Variants in SPIN1 observed in about 807,000 individuals in gnomAD.
SPIN1 encodes the protein spindlin 1, also known as spindlin-1.
A neutral mutation model predicts 26.0 loss-of-function variants in SPIN1; 3 were observed. The observed-to-expected ratio is 0.12, with a 90% CI of 0.05 to 0.30. SPIN1 has a LOEUF of 0.30. Ranked by LOEUF, SPIN1 falls within the 10% of genes least tolerant of loss-of-function variation. The pLI is 1.00. For synonymous variants in SPIN1, 101 were observed against 116.5 expected, an observed-to-expected ratio of 0.87 and a Z score of 0.86; for missense variants, 126 against 333.4, an observed-to-expected ratio of 0.38 and a Z score of 4.84.
rs532540873 is a variant in SPIN1, at chr9:88,408,745, C to T, written c.-158-17637C>T. ...CTGGAGTGCAATGGCGCGATCTCGGCTCACTGCAACCTCTGCCTCCCGGGT... is the reference window on the plus strand; with the variant it reads ...CTGGAGTGCAATGGCGCGATCTCGGTTCACTGCAACCTCTGCCTCCCGGGT... On this transcript the variant is annotated intron_variant, in intron 1 of 5. Coordinates refer to ENST00000375859, the MANE Select transcript of SPIN1 (RefSeq NM_006717.3). Among the ~76,000 whole-genome samples, 189 of 147,868 alleles carry T rather than the reference C, an allele frequency of 1.3e-3. 1 individual carries two copies. Among genetic ancestry groups the T allele is most frequent in the African/African-American group, 4.5e-3 (178 of 39,736 alleles).
chr9:88,441,431 ATG>A lies in SPIN1; in HGVS notation c.53-7502_53-7501del, dbSNP rs927476863. On this transcript the variant is annotated intron_variant, in intron 2 of 5. Coordinates refer to ENST00000375859, the MANE Select transcript of SPIN1 (RefSeq NM_006717.3). ...TGTGTGTGTGCGCGCGCGCGCGCCC[ATG>A]TGTGTGTACATACATTGTTGCTCAA... Among the ~76,000 whole-genome samples, 7 of 93,310 alleles carry A rather than the reference ATG, an allele frequency of 7.5e-5. 1 individual carries two copies. In the African/African-American group the frequency reaches 9.0e-4, roughly 12 times the overall value. 61.2% of individuals were successfully genotyped at this position (93,310 alleles called of 152,430 possible).
At chr9:88,403,944 A>C (rs1314767947) in intron 1 of SPIN1, among the ~76,000 whole-genome samples, 1 of 152,192 alleles carries the variant, frequency 6.6e-6, no homozygotes, top group Non-Finnish European at 1.5e-5. Context: ...TTAGGTGAGC[A>C]TTATAGAGCA....
intron 1 of SPIN1, among the ~76,000 whole-genome samples, chr9:88,412,066 C>G (rs1827461162): frequency 6.6e-6 from 1 of 151,502 alleles, no homozygotes; most frequent in Admixed American, 6.6e-5. Context: ...GTAGTCCCAG[C>G]TACTCGGGAG....
chr9:88,447,568 A>G (rs2118125771), intron 2 of SPIN1, among the ~76,000 whole-genome samples: 1 of 152,284 alleles, frequency 6.6e-6, no homozygotes, highest in East Asian at 1.9e-4. Context: ...TGATTGCTCC[A>G]AGTGTTAAGA....
intron 1 of SPIN1, among the ~76,000 whole-genome samples, chr9:88,414,475 C>G (rs547416206): frequency 2.0e-5 from 3 of 152,342 alleles, no homozygotes; most frequent in African/African-American, 7.2e-5. Flanking sequence ...CATCCAGTCT[C>G]TCTGTTATAC....
rs1554692408 is a variant in SPIN1 at position 88,410,426 on chromosome 9, G to C, written c.-158-15956G>C. ...AACATGTCTTCTTTGTAGCATCTAG[G>C]CCCTGCCACCACTGTGCTTGGCTGA... On this transcript the variant is annotated intron_variant, in intron 1 of 5. Transcript: ENST00000375859. The C allele has an allele frequency of 1.7e-4, 106 of 625,920 alleles. 1 individual carries two copies. The highest frequency in any genetic ancestry group is 1.6e-3 in the South Asian group (103 of 65,234). 38.8% of individuals were successfully genotyped at this position (625,920 alleles called of 1,614,324 possible).
At position 88,464,783 on chromosome 9, in the gene SPIN1, G is replaced by A. The variant is rs547663725; in HGVS notation, c.355+2034G>A. On this transcript the variant is annotated intron_variant, in intron 4 of 5. Transcript: ENST00000375859. ...AAAAAAACATAGCATAAAATTTACT[G>A]TCCTAACCATTTTTAAGTGTACAGT... Among the ~76,000 whole-genome samples the A allele has an allele frequency of 1.5e-4, 23 of 152,080 alleles. No individual in the cohort carries two copies. In the South Asian group the frequency reaches 4.6e-3, roughly 30 times the overall value.
At chr9:88,407,267 G>C (rs933958615) in intron 1 of SPIN1, among the ~76,000 whole-genome samples, 1 of 151,936 alleles carries the variant, frequency 6.6e-6, no homozygotes, top group Non-Finnish European at 1.5e-5. Context: ...CTCCCGAATA[G>C]CTGGGACTAC....
rs549642129 is a variant in SPIN1, at chr9:88,399,249, G to T, written c.-159+10711G>T. 8.5e-5 allele frequency among the ~76,000 whole-genome samples: 13 copies of T among 152,102 alleles called. No homozygotes were observed. The East Asian group carries it at 2.5e-3, about 30-fold the overall frequency. Reference sequence around the variant, plus strand: ...GGGTTTCACCATGTTGGCCAGGCTGGTCTTGAACTCCTGACCTCGTGATCC... The same window carrying T: ...GGGTTTCACCATGTTGGCCAGGCTGTTCTTGAACTCCTGACCTCGTGATCC... On this transcript the variant is annotated intron_variant, in intron 1 of 5. Transcript: ENST00000375859.
chr9:88,445,512 G>A (rs1382405020), intron 2 of SPIN1, among the ~76,000 whole-genome samples: 3 of 130,446 alleles, frequency 2.3e-5, no homozygotes, highest in Non-Finnish European at 4.9e-5. Flanking sequence ...TAAATGTATT[G>A]AGACTTTTAT....
rs980812181 is a variant in SPIN1, at chr9:88,426,479, T to C, written c.-61T>C. On this transcript the variant is annotated 5_prime_UTR_variant, in exon 2 of 6. Coordinates refer to ENST00000375859, the MANE Select transcript of SPIN1 (RefSeq NM_006717.3). ...TAACATTCTGTGAAAAGTTTCAAAT[T>C]GGAGAATATTGAATTTTCACCCTAG... 4 of 1,383,524 alleles carry C rather than the reference T, an allele frequency of 2.9e-6. No homozygotes were observed. The East Asian group carries it at 9.2e-5, about 32-fold the overall frequency. 85.7% of individuals were successfully genotyped at this position (1,383,524 alleles called of 1,614,324 possible). A position where few individuals can be genotyped will look rare whatever the true frequency, so the allele number is the denominator to read the frequency against.
intron 2 of SPIN1, among the ~76,000 whole-genome samples, chr9:88,448,683 A>G (rs894556971): frequency 6.6e-6 from 1 of 152,056 alleles, no homozygotes; most frequent in African/African-American, 2.4e-5. Flanking sequence ...TGTCCATGCA[A>G]TTCTGGTTTT....
chr9:88,398,475 G>A (rs1827115646), intron 1 of SPIN1, among the ~76,000 whole-genome samples: 1 of 152,202 alleles, frequency 6.6e-6, no homozygotes, highest in Admixed American at 6.6e-5. Context: ...GTGCAGTAGC[G>A]AGAATTAAAT....
At chr9:88,417,186 A>G (rs773673088) in intron 1 of SPIN1, among the ~76,000 whole-genome samples, 1 of 152,186 alleles carries the variant, frequency 6.6e-6, no homozygotes, top group Non-Finnish European at 1.5e-5. Context: ...TTTTAGCTAT[A>G]TGTTTTTTTC....
intron 2 of SPIN1, among the ~76,000 whole-genome samples, chr9:88,447,127 A>G (rs1369298201): frequency 1.3e-5 from 2 of 151,986 alleles, no homozygotes; most frequent in South Asian, 2.1e-4. Flanking sequence ...TTTGTGTGCT[A>G]TTTTGAGTAG....
At chr9:88,398,135 C>A (rs527503449) in intron 1 of SPIN1, among the ~76,000 whole-genome samples, 1 of 151,986 alleles carries the variant, frequency 6.6e-6, no homozygotes, top group African/African-American at 2.4e-5. Context: ...CCTTGTTGCC[C>A]AGGCTGGTCT....
intron 5 of SPIN1, among the ~76,000 whole-genome samples, chr9:88,473,245 T>C (rs190035029): frequency 1.3e-4 from 18 of 141,518 alleles, no homozygotes; most frequent in African/African-American, 4.5e-4. Flanking sequence ...ATAAAAAAAT[T>C]AGCCAAGTGT....
Position 88,469,275 on chromosome 9 carries a change from C to A in SPIN1, c.589+670C>A, listed in dbSNP as rs12343869. Reference sequence around the variant, plus strand: ...AGGAGGCAGAGCTCAGACGGCAGTGCTCTCTTTGCCGCTGCTCACCTCCTG... The same window carrying A: ...AGGAGGCAGAGCTCAGACGGCAGTGATCTCTTTGCCGCTGCTCACCTCCTG... On this transcript the variant is annotated intron_variant, in intron 5 of 5. Coordinates refer to ENST00000375859, the MANE Select transcript of SPIN1 (RefSeq NM_006717.3). Among the ~76,000 whole-genome samples the A allele has an allele frequency of 2.5e-4, 38 of 152,208 alleles. 1 individual carries two copies. The highest frequency in any genetic ancestry group is 4.7e-4 in the Non-Finnish European group (32 of 68,046).
chr9:88,429,277 A>T (rs1352796285), intron 2 of SPIN1, among the ~76,000 whole-genome samples: 1 of 152,170 alleles, frequency 6.6e-6, no homozygotes, highest in African/African-American at 2.4e-5. Flanking sequence ...TGCAGCAGAC[A>T]TCATTTCACT....
Sources: allele counts gnomAD v4.1 joint callset (sites outside exome capture counted in the v4.1 genomes callset), GRCh38; gene constraint gnomAD v4.1.1; transcripts MANE v1.5; gene names NCBI Gene and HGNC (gene_info 2026-07-23, HGNC 2026-07-21).